Variants in HS3ST4 observed in about 807,000 individuals in gnomAD.
HS3ST4 encodes heparan sulfate glucosamine 3-O-sulfotransferase 4.
Under a neutral mutation model 29.2 loss-of-function variants are expected in HS3ST4, and 17 were observed. The ratio of observed to expected loss-of-function variants is 0.58; its 90% CI spans 0.40 to 0.87. The LOEUF (loss-of-function observed/expected upper bound fraction) is 0.87. HS3ST4 is among the 40% of genes least tolerant of loss of function. The pLI is 0.00. For synonymous variants in HS3ST4, 314 were observed against 285.7 expected, an observed-to-expected ratio of 1.10 and a Z score of -1.00; for missense variants, 627 against 634.5, an observed-to-expected ratio of 0.99 and a Z score of 0.13.
At chr16:25,710,166 T>C (rs534158323) in intron 1 of HS3ST4, among the ~76,000 whole-genome samples, 9 of 152,354 alleles carry the variant, frequency 5.9e-5, no homozygotes, top group African/African-American at 2.2e-4. Flanking sequence ...ATCAGTGTTC[T>C]GGAGAAGAAA....
chr16:25,935,011 A>G lies in HS3ST4; in HGVS notation c.735-200601A>G, dbSNP rs1968505071. Among the ~76,000 whole-genome samples, 3 of 152,162 alleles carry G rather than the reference A, an allele frequency of 2.0e-5. No homozygotes were observed. In the South Asian group the frequency reaches 6.2e-4, roughly 32 times the overall value. On this transcript the variant is annotated intron_variant, in intron 1 of 1. Transcript: ENST00000331351. ...GGGTGGTTTCCCCCATGCTGTTCTC[A>G]TGATAGTGAATGAATTCTTACGAGA...
At chr16:26,122,969 G>A (rs1899295285) in intron 1 of HS3ST4, among the ~76,000 whole-genome samples, 1 of 151,938 alleles carries the variant, frequency 6.6e-6, no homozygotes, top group Admixed American at 6.6e-5. Flanking sequence ...CAGGAGAATT[G>A]CTTGAACCTT....
intron 1 of HS3ST4, among the ~76,000 whole-genome samples, chr16:26,121,565 T>G (rs546432814): frequency 2.3e-4 from 35 of 152,266 alleles, no homozygotes; most frequent in African/African-American, 8.4e-4. Flanking sequence ...AGTAGCAGGA[T>G]GCAGGTGAGA....
At chr16:25,955,112 G>A (rs908649041) in intron 1 of HS3ST4, among the ~76,000 whole-genome samples, 2 of 152,088 alleles carry the variant, frequency 1.3e-5, no homozygotes, top group African/African-American at 2.4e-5. Flanking sequence ...AAGGTATTTC[G>A]GTAAACTCTG....
intron 1 of HS3ST4, among the ~76,000 whole-genome samples, chr16:25,719,475 C>T (rs187567090): frequency 1.3e-5 from 2 of 152,322 alleles, no homozygotes; most frequent in East Asian, 3.9e-4. Context: ...TGACTTAGGA[C>T]ATTTAGATTT....
intron 1 of HS3ST4, among the ~76,000 whole-genome samples, chr16:25,910,839 G>A (rs1379816285): frequency 6.6e-6 from 1 of 152,006 alleles, no homozygotes; most frequent in East Asian, 1.9e-4. Flanking sequence ...TTGCTAAGAA[G>A]GCACAGCAGG....
chr16:25,789,291 C>T (rs1282179772), intron 1 of HS3ST4, among the ~76,000 whole-genome samples: 1 of 151,850 alleles, frequency 6.6e-6, no homozygotes, highest in Non-Finnish European at 1.5e-5. Context: ...CTTCCTCCAT[C>T]TCCTCTTCTT....
At chr16:25,785,551 A>G (rs997421780) in intron 1 of HS3ST4, among the ~76,000 whole-genome samples, 3 of 152,214 alleles carry the variant, frequency 2.0e-5, no homozygotes, top group Non-Finnish European at 4.4e-5. Flanking sequence ...GAGTATTTCA[A>G]TGGAGAGATA....
At chr16:26,066,693 G>A (rs1898546002) in intron 1 of HS3ST4, among the ~76,000 whole-genome samples, 1 of 152,222 alleles carries the variant, frequency 6.6e-6, no homozygotes, top group Non-Finnish European at 1.5e-5. Context: ...GAAAGACAGT[G>A]TGCAGAAGAG....
intron 1 of HS3ST4, among the ~76,000 whole-genome samples, chr16:25,769,371 A>G (rs73511203): frequency 1.2e-4 from 19 of 152,236 alleles, no homozygotes; most frequent in African/African-American, 4.3e-4. Context: ...TGCAGTCTTC[A>G]GCACTGACTC....
At chr16:25,944,663 T>G (rs966643552) in intron 1 of HS3ST4, among the ~76,000 whole-genome samples, 1 of 152,188 alleles carries the variant, frequency 6.6e-6, no homozygotes. Flanking sequence ...ACAGGTGTGG[T>G]GTGGGTGTGG....
rs530444905 is a variant in HS3ST4 at position 25,998,619 on chromosome 16, T to C, written c.735-136993T>C. Reference sequence around the variant, plus strand: ...TCTTTTTTCACTTTTCCCAGGCTTATGACATTTGATGAAGATTTTATCTGT... The same window carrying C: ...TCTTTTTTCACTTTTCCCAGGCTTACGACATTTGATGAAGATTTTATCTGT... On this transcript the variant is annotated intron_variant, in intron 1 of 1. Coordinates refer to ENST00000331351, the MANE Select transcript of HS3ST4 (RefSeq NM_006040.3). Among the ~76,000 whole-genome samples, 7 of 152,362 alleles carry C rather than the reference T, an allele frequency of 4.6e-5. 1 individual carries two copies. In the South Asian group the frequency reaches 1.4e-3, roughly 32 times the overall value.
intron 1 of HS3ST4, among the ~76,000 whole-genome samples, chr16:26,134,327 ATTTTC>A (rs757624599): frequency 0.072 from 9,198 of 128,334 alleles, 397 homozygotes; most frequent in Non-Finnish European, 0.093. Flanking sequence ...TCTCAACTGA[ATTTTC>A]TTTTCTTTTC....
Position 25,830,958 on chromosome 16 carries a change from T to C in HS3ST4, c.734+137807T>C, listed in dbSNP as rs116194348. On this transcript the variant is annotated intron_variant, in intron 1 of 1. Coordinates refer to ENST00000331351, the MANE Select transcript of HS3ST4 (RefSeq NM_006040.3). The stretch of plus-strand genomic sequence containing the variant: ...CTCAGGATCAACTCTAAACTCCATA[T>C]TGTGGCCTCCAGGACTCTAGCCAAC... 2.8e-3 allele frequency among the ~76,000 whole-genome samples: 433 copies of C among 152,294 alleles called. 7 individuals carry two copies. Among genetic ancestry groups the C allele is most frequent in the African/African-American group, 9.6e-3 (398 of 41,566 alleles).
At chr16:25,752,046 T>C (rs1966725019) in intron 1 of HS3ST4, among the ~76,000 whole-genome samples, 2 of 152,176 alleles carry the variant, frequency 1.3e-5, no homozygotes, top group Admixed American at 6.5e-5. Context: ...TCTGAAAGCT[T>C]TCAAACTGGA....
intron 1 of HS3ST4, among the ~76,000 whole-genome samples, chr16:25,997,347 T>C (rs1340082809): frequency 1.3e-5 from 2 of 152,196 alleles, no homozygotes; most frequent in Admixed American, 6.5e-5. Context: ...AATCAACAGT[T>C]CTTTTAATCA....
chr16:25,855,712 G>A (rs1358417844), intron 1 of HS3ST4, among the ~76,000 whole-genome samples: 3 of 152,030 alleles, frequency 2.0e-5, no homozygotes, highest in Non-Finnish European at 2.9e-5. Flanking sequence ...AGGTTACTCT[G>A]GGCTGCTCTT....
At chr16:26,006,453 C>T (rs889352801) in intron 1 of HS3ST4, among the ~76,000 whole-genome samples, 1 of 151,784 alleles carries the variant, frequency 6.6e-6, no homozygotes, top group Non-Finnish European at 1.5e-5. Context: ...CCAGATAGAG[C>T]CAATTTATCA....
intron 1 of HS3ST4, among the ~76,000 whole-genome samples, chr16:25,935,509 A>T (rs372328409): frequency 6.6e-6 from 1 of 152,042 alleles, no homozygotes; most frequent in Admixed American, 6.6e-5. Flanking sequence ...AATCACTGGT[A>T]TTTTTACTTT....
Sources: allele counts gnomAD v4.1 joint callset (sites outside exome capture counted in the v4.1 genomes callset), GRCh38; gene constraint gnomAD v4.1.1; transcripts MANE v1.5; gene names NCBI Gene and HGNC (gene_info 2026-07-23, HGNC 2026-07-21).